The following FNDC7 variants were observed in gnomAD, a reference collection of about 807,000 sequenced individuals.
FNDC7 encodes the protein fibronectin type III domain containing 7.
In FNDC7, 66 loss-of-function variants were observed where a neutral mutation model predicts 74.2. The ratio of observed to expected loss-of-function variants is 0.89; its 90% CI spans 0.73 to 1.09. The LOEUF (loss-of-function observed/expected upper bound fraction) is 1.09, where lower values mean the gene tolerates loss of function less well. Among genes scored for constraint, FNDC7 ranks in the 50% least tolerant of loss-of-function variants. The pLI is 0.00. For synonymous variants in FNDC7, 307 were observed against 330.2 expected, an observed-to-expected ratio of 0.93 and a Z score of 0.76; for missense variants, 829 against 893.4, an observed-to-expected ratio of 0.93 and a Z score of 0.92.
chr1:108,716,321 GTGTGTGT>G (rs1557786114), intron 2 of FNDC7, among the ~76,000 whole-genome samples: 4,340 of 92,764 alleles, frequency 0.047, 137 homozygotes, highest in Admixed American at 0.055. Context: ...CAGAAGAGAG[GTGTGTGT>G]GTGTGTGTGT....
At chr1:108,727,775 G>A (rs779910978) in intron 6 of FNDC7, 33 bp from the exon 7 acceptor site, 2 of 1,609,950 alleles carry the variant, frequency 1.2e-6, no homozygotes, top group Admixed American at 1.7e-5. Flanking sequence ...GCTCTTGATG[G>A]GACCGCCATT....
At chr1:108,721,075 A>G (rs954427386) in intron 4 of FNDC7, among the ~76,000 whole-genome samples, 1 of 152,224 alleles carries the variant, frequency 6.6e-6, no homozygotes, top group Non-Finnish European at 1.5e-5. Context: ...TCTGCAGACT[A>G]GCTGACCATG....
chr1:108,713,034 G>T, intron 1 of FNDC7, 38 bp downstream of exon 1: 3 of 1,512,886 alleles, frequency 2.0e-6, no homozygotes, highest in Non-Finnish European at 2.7e-6. Context: ...ACTATTTAGG[G>T]GAAAAAAGAA....
At chr1:108,729,437 T>C (rs1213261175) in intron 8 of FNDC7, among the ~76,000 whole-genome samples, 1 of 151,906 alleles carries the variant, frequency 6.6e-6, no homozygotes. Context: ...TAGTCCTGGC[T>C]ACTCAGCAGG....
At chr1:108,721,573 G>A (rs1323888823) in intron 4 of FNDC7, among the ~76,000 whole-genome samples, 3 of 152,202 alleles carry the variant, frequency 2.0e-5, no homozygotes, top group Non-Finnish European at 1.5e-5. Context: ...GGCCTGCTGC[G>A]TGGGCGTTAT....
intron 2 of FNDC7, 31 bp downstream of exon 2, chr1:108,713,560 T>C (rs575400121): frequency 1.3e-6 from 2 of 1,531,180 alleles, no homozygotes; most frequent in East Asian, 4.9e-5. Flanking sequence ...AGTTTTTCCT[T>C]CTCGTATTTG....
intron 10 of FNDC7, 152 bp from the exon 11 acceptor site, chr1:108,737,343 C>A: frequency 3.6e-6 from 2 of 556,174 alleles, no homozygotes; most frequent in Admixed American, 3.7e-5. Context: ...CCAGGTCATA[C>A]TGCTAGTAGT....
At chr1:108,738,249 G>C (rs1661561381) in intron 11 of FNDC7, among the ~76,000 whole-genome samples, 1 of 152,182 alleles carries the variant, frequency 6.6e-6, no homozygotes, top group Non-Finnish European at 1.5e-5. Context: ...CCCGTGGAGA[G>C]AGAGGGTGCT....
chr1:108,712,955 TG>T lies in FNDC7; in HGVS notation c.23del (p.Cys8PhefsTer4), dbSNP rs1557785016. 1 of 1,551,718 alleles carries T rather than the reference TG, an allele frequency of 6.4e-7. No homozygotes were observed. Among genetic ancestry groups the T allele is most frequent in the Admixed American group, 2.0e-5 (1 of 51,008 alleles). ...CAGGATGGCTGGTGGACGAGAGACA[TG>T]TTTGCCTTTGATTGGATTCATTCTT... MAGGRET[C>X]LPLIGFILIC... On this transcript the variant is annotated frameshift_variant, in exon 1 of 13. Transcript: ENST00000370017. LOFTEE classifies it high-confidence loss of function.
Position 108,741,813 on chromosome 1 carries a change from G to T in FNDC7, c.*9G>T. 1 of 1,613,618 alleles carries T rather than the reference G, an allele frequency of 6.2e-7. No individual in the cohort carries two copies. The highest frequency in any genetic ancestry group is 1.7e-4 in the Middle Eastern group (1 of 5,936). ...AGAGAAATGAAGAATGACAAAGTGA[G>T]CCCCAGATAAAAACAAAAACTTGAC... On this transcript the variant is annotated 3_prime_UTR_variant, in exon 12 of 13. Coordinates refer to ENST00000370017, the MANE Select transcript of FNDC7 (RefSeq NM_001144937.3).
chr1:108,722,332 T>A lies in FNDC7; in HGVS notation c.599-3T>A, dbSNP rs1661107733. 6.3e-7 allele frequency: 1 copy of A among 1,587,722 alleles called. No homozygotes were observed. Among genetic ancestry groups the A allele is most frequent in the South Asian group, 1.1e-5 (1 of 88,028 alleles). ...AAATCTTAATTGTTTCTCTAAAATG[T>A]AGGTCCTCGGGCCCCTGCCAACATT... On this transcript the variant is annotated splice_region_variant and splice_polypyrimidine_tract_variant and intron_variant, in intron 4 of 12. Coordinates refer to ENST00000370017, the MANE Select transcript of FNDC7 (RefSeq NM_001144937.3).
chr1:108,720,725 A>C (rs781514576), intron 4 of FNDC7, among the ~76,000 whole-genome samples: 1 of 152,186 alleles, frequency 6.6e-6, no homozygotes, highest in Non-Finnish European at 1.5e-5. Context: ...TCACATTCAC[A>C]TGGAATTTTC....
At chr1:108,729,625 A>G (rs539588270) in intron 8 of FNDC7, among the ~76,000 whole-genome samples, 4 of 152,288 alleles carry the variant, frequency 2.6e-5, no homozygotes, top group Admixed American at 2.0e-4. Flanking sequence ...TAGGGTGGCT[A>G]TGAGTATTAA....
In FNDC7 at chr1:108,722,428, A is replaced by C; in HGVS notation, c.692A>C (p.Tyr231Ser). The C allele has an allele frequency of 6.2e-7, 1 of 1,614,240 alleles. No homozygotes were observed. Among genetic ancestry groups the C allele is most frequent in the Non-Finnish European group, 8.5e-7 (1 of 1,180,026 alleles). Residue 231 changes from tyrosine (Y) to serine (S), a missense_variant, in exon 5 of 13, where the codon TAT (tyrosine) becomes TCT (serine). By Grantham distance (144) the Tyr-to-Ser change is moderately radical (BLOSUM62 -2). Coordinates refer to ENST00000370017, the MANE Select transcript of FNDC7 (RefSeq NM_001144937.3). ...GCACGGGCAGAAGGAGCTTTCAATT[A>C]TACTGTGATGGCTTTGAGCGACTCT... ...SWARAEGAFN[Y>S]TVMALSDSSE...
chr1:108,733,316 A>G lies in FNDC7; in HGVS notation c.1924A>G (p.Asn642Asp). ...LGVKLYRLGP[N>D]GIRIYWQASR... is the part of the protein sequence containing the mutation. ...GGTGAAATTATATAGGCTGGGCCCT[A>G]ATGGCATCCGGATCTACTGGCAAGC... The change falls in exon 10 of 13, where the codon AAT (asparagine) becomes GAT (aspartate). Residue 642 changes from asparagine (N) to aspartate (D), a missense_variant. Transcript: ENST00000370017. The G allele has an allele frequency of 6.2e-7, 1 of 1,614,108 alleles. No individual in the cohort carries two copies. The highest frequency in any genetic ancestry group is 8.5e-7 in the Non-Finnish European group (1 of 1,180,018).
chr1:108,730,991 C>T, intron 9 of FNDC7, 63 bp downstream of exon 9: 1 of 1,461,422 alleles, frequency 6.8e-7, no homozygotes, highest in African/African-American at 1.4e-5. Context: ...CAGGCATGAG[C>T]CTTTCCTCCT....
Position 108,725,782 on chromosome 1 carries a change from G to A in FNDC7, c.889G>A (p.Glu297Lys), listed in dbSNP as rs770618001. The change falls in exon 6 of 13, where the codon GAA becomes AAA. Residue 297 changes from glutamate to lysine, a missense_variant. Transcript: ENST00000370017. ...TGCACCCGGAAGAGTGACGATCCAA[G>A]AAGATCCCCCTGGCCACCTGTCTGT... ...ACAPGRVTIQEDPPGHLSVAW... is the reference protein window; with the variant it reads ...ACAPGRVTIQKDPPGHLSVAW... The A allele has an allele frequency of 2.7e-5, 43 of 1,613,992 alleles. No homozygotes were observed. The highest frequency in any genetic ancestry group is 3.3e-5 in the Non-Finnish European group (39 of 1,179,992).
At chr1:108,732,074 C>G (rs1156709375) in intron 9 of FNDC7, among the ~76,000 whole-genome samples, 1 of 152,114 alleles carries the variant, frequency 6.6e-6, no homozygotes, top group Non-Finnish European at 1.5e-5. Flanking sequence ...AAATACTAAT[C>G]AGTGGCCTGG....
In FNDC7 at chr1:108,722,590, C is replaced by T. The variant is rs1229569640; in HGVS notation, c.854C>T (p.Thr285Ile). 1 of 1,611,716 alleles carries T rather than the reference C, an allele frequency of 6.2e-7. No individual in the cohort carries two copies. The highest frequency in any genetic ancestry group is 8.5e-7 in the Non-Finnish European group (1 of 1,178,580). ...TCATCTTCAGCAATGACCCTGAAAA[C>T]TGGTATGTAAACAAGAGTGAGACTG... is the stretch of plus-strand genomic sequence containing the variant. Reference protein sequence around the residue: ...SKSSSAMTLKTVACAPGRVTI... With the variant: ...SKSSSAMTLKIVACAPGRVTI... The change falls in exon 5 of 13, where the codon ACT becomes ATT. Residue 285 changes from threonine to isoleucine, a missense_variant and splice_region_variant. By Grantham distance (89) the Thr-to-Ile change is moderately conservative. Transcript: ENST00000370017.
Sources: gnomAD v4.1 joint callset for allele counts (sites outside exome capture counted in the v4.1 genomes callset) on GRCh38, gnomAD v4.1.1 for gene constraint, MANE v1.5 for transcripts, NCBI Gene and HGNC (gene_info 2026-07-23, HGNC 2026-07-21) for gene names.